Variants in LIMCH1 observed in about 807,000 individuals in gnomAD.
LIMCH1 encodes LIM and calponin homology domains-containing protein 1.
Under a neutral mutation model 176.5 loss-of-function variants are expected in LIMCH1, and 113 were observed. The ratio of observed to expected loss-of-function variants is 0.64; its 90% CI spans 0.55 to 0.75. The LOEUF is 0.75. Among genes scored for constraint, LIMCH1 ranks in the 30% least tolerant of loss-of-function variants. The pLI, the probability that LIMCH1 is intolerant of heterozygous loss-of-function variation, is 0.00. For missense variants in LIMCH1, 1,674 were observed against 1,814.9 expected (o/e 0.92, Z 1.41); for synonymous variants, 619 against 645.9 (o/e 0.96, Z 0.63).
intron 1 of LIMCH1, among the ~76,000 whole-genome samples, chr4:41,362,719 C>T (rs749445902): frequency 6.6e-6 from 1 of 152,084 alleles, no homozygotes; most frequent in African/African-American, 2.4e-5. Context: ...TACTATAGCC[C>T]CCACCTAAAT....
intron 1 of LIMCH1, among the ~76,000 whole-genome samples, chr4:41,444,088 G>T (rs2062997157): frequency 6.6e-6 from 1 of 152,162 alleles, no homozygotes; most frequent in Non-Finnish European, 1.5e-5. Context: ...TGAAATGTGT[G>T]CAAGAGATGG....
upstream of LIMCH1, among the ~76,000 whole-genome samples, chr4:41,535,523 T>G (rs1194438799): frequency 6.6e-6 from 1 of 152,190 alleles, no homozygotes; most frequent in Non-Finnish European, 1.5e-5. Context: ...TATTTTGCCT[T>G]TTTATAAGGA....
intron 17 of LIMCH1, among the ~76,000 whole-genome samples, chr4:41,648,244 A>G (rs931784314): frequency 5.3e-5 from 8 of 152,218 alleles, no homozygotes; most frequent in African/African-American, 1.7e-4. Flanking sequence ...CATCTGACCA[A>G]ACATTCTAGA....
chr4:41,613,775 G>A (rs1034232960), intron 5 of LIMCH1, 114 bp downstream of exon 5: 36 of 824,810 alleles, frequency 4.4e-5, no homozygotes, highest in East Asian at 3.3e-4. Context: ...CCACCTTGCC[G>A]GAACTTAGTA....
At chr4:41,651,950 A>G (rs28555389) in intron 18 of LIMCH1, among the ~76,000 whole-genome samples, 5,961 of 152,300 alleles carry the variant, frequency 0.039, 407 homozygotes, top group African/African-American at 0.14. Flanking sequence ...CTGTCACTAC[A>G]CAGATGCAGC....
chr4:41,409,950 C>T (rs2059335350), intron 1 of LIMCH1, among the ~76,000 whole-genome samples: 2 of 152,088 alleles, frequency 1.3e-5, no homozygotes, highest in East Asian at 3.9e-4. Context: ...GATTTAAATT[C>T]TTTAAAAACA....
At chr4:41,485,499 C>T (rs1359775706) in intron 1 of LIMCH1, among the ~76,000 whole-genome samples, 1 of 152,162 alleles carries the variant, frequency 6.6e-6, no homozygotes, top group Admixed American at 6.5e-5. Flanking sequence ...TCTTGAAAGG[C>T]ACACAGGGCA....
chr4:41,420,348 T>G (rs1266778461), intron 1 of LIMCH1, among the ~76,000 whole-genome samples: 1 of 152,202 alleles, frequency 6.6e-6, no homozygotes, highest in Non-Finnish European at 1.5e-5. Context: ...TTTTCATGCC[T>G]GTTGAAGTAT....
intron 1 of LIMCH1, among the ~76,000 whole-genome samples, chr4:41,446,019 A>G (rs2063246508): frequency 6.6e-6 from 1 of 152,196 alleles, no homozygotes; most frequent in South Asian, 2.1e-4. Flanking sequence ...AGTTTCCCTA[A>G]AGGATTACGG....
upstream of LIMCH1, among the ~76,000 whole-genome samples, chr4:41,533,842 G>A (rs1245279983): frequency 6.6e-6 from 1 of 152,172 alleles, no homozygotes; most frequent in African/African-American, 2.4e-5. Context: ...TTCAGGGCAT[G>A]GAATGAGAAA....
intron 14 of LIMCH1, 94 bp from the exon 15 acceptor site, chr4:41,644,406 C>T: frequency 1.4e-6 from 2 of 1,387,720 alleles, no homozygotes; most frequent in South Asian, 1.6e-5. Flanking sequence ...TTTCCAAGCC[C>T]GGTAGCGCCC....
rs1226631730 is a variant in LIMCH1, at chr4:41,598,914, T to G, written c.-240-6T>G. 6.4e-7 allele frequency: 1 copy of G among 1,564,254 alleles called. No homozygotes were observed. The highest frequency in any genetic ancestry group is 8.8e-7 in the Non-Finnish European group (1 of 1,136,620). ...TATAGACTTATATTTCTTTTTTTCCTTCTAGGACAATATTATCTTATTCTT... is the reference window on the plus strand; with the variant it reads ...TATAGACTTATATTTCTTTTTTTCCGTCTAGGACAATATTATCTTATTCTT... On this transcript the variant is annotated splice_polypyrimidine_tract_variant and splice_region_variant and intron_variant, in intron 1 of 31. Coordinates refer to ENST00000503057, the MANE Select transcript of LIMCH1 (RefSeq NM_001330672.2).
chr4:41,633,571 G>A lies in LIMCH1; in HGVS notation c.1853G>A (p.Cys618Tyr), dbSNP rs2093435855. The A allele has an allele frequency of 1.3e-6, 2 of 1,536,132 alleles. No individual in the cohort carries two copies. The highest frequency in any genetic ancestry group is 1.7e-6 in the Non-Finnish European group (2 of 1,146,916). The change falls in exon 13 of 32, where the codon TGT becomes TAT. Residue 618 changes from cysteine (C) to tyrosine (Y), a missense_variant. Cys to Tyr is a radical substitution (Grantham distance 194). This residue lies in a region of LIMCH1 where 1,015 missense variants were observed against 1,102.5 expected (regional missense o/e 0.92). Transcript: ENST00000503057. ...AGGGTGTGTCCTCTGGCCTCTGAGT[G>A]TGAGGCTTCAGGGACAGAAGAGAAG... Reference protein sequence around the residue: ...QPLVCPLASECEASGTEEKLE... With the variant: ...QPLVCPLASEYEASGTEEKLE...
chr4:41,379,764 C>A (rs2055355184), intron 1 of LIMCH1, among the ~76,000 whole-genome samples: 2 of 152,076 alleles, frequency 1.3e-5, no homozygotes, highest in South Asian at 4.1e-4. Context: ...GATATATTTT[C>A]CAAAATAGGT....
chr4:41,524,262 A>G, intron 2 of LIMCH1: 1 of 682,406 alleles, frequency 1.5e-6, no homozygotes, highest in Non-Finnish European at 2.7e-6. Context: ...TATATGCATG[A>G]AGGCTGATAG....
At chr4:41,392,139 A>T (rs1015921249) in intron 1 of LIMCH1, among the ~76,000 whole-genome samples, 1 of 152,224 alleles carries the variant, frequency 6.6e-6, no homozygotes, top group African/African-American at 2.4e-5. Context: ...ATAGGTATTT[A>T]ACATGAATTT....
chr4:41,612,966 C>G, intron 4 of LIMCH1: 1 of 1,537,440 alleles, frequency 6.5e-7, no homozygotes, highest in Non-Finnish European at 8.8e-7. Context: ...TTTTACAGAA[C>G]TGATTCTGCA....
At chr4:41,469,779 T>A (rs2066683367) in intron 1 of LIMCH1, among the ~76,000 whole-genome samples, 1 of 152,004 alleles carries the variant, frequency 6.6e-6, no homozygotes, top group Non-Finnish European at 1.5e-5. Context: ...CCTCCCGGGT[T>A]CAAGCAATTC....
At chr4:41,506,579 G>A (rs928590673) in intron 2 of LIMCH1, among the ~76,000 whole-genome samples, 6 of 152,276 alleles carry the variant, frequency 3.9e-5, no homozygotes, top group South Asian at 4.2e-4. Context: ...ACCAGTGTAC[G>A]AGTAAATGTA....
Sources: gnomAD v4.1 joint callset for allele counts (sites outside exome capture counted in the v4.1 genomes callset) on GRCh38, gnomAD v4.1.1 for gene constraint, gnomAD v4.1.1 regional missense constraint, MANE v1.5 for transcripts, NCBI Gene and HGNC (gene_info 2026-07-23, HGNC 2026-07-21) for gene names.